Variants in TES observed in about 807,000 individuals in gnomAD.
TES encodes testin LIM domain protein, also known as testin.
In TES, 41 loss-of-function variants were observed where a neutral mutation model predicts 48.2. The ratio of observed to expected loss-of-function variants is 0.85; its 90% CI spans 0.66 to 1.10. The LOEUF (loss-of-function observed/expected upper bound fraction) is 1.10. Among genes scored for constraint, TES ranks in the 50% least tolerant of loss-of-function variants. TES has a pLI of 0.00. For missense variants in TES, 463 were observed against 515.1 expected (o/e 0.90, Z 0.98); for synonymous variants, 162 against 174.9 (o/e 0.93, Z 0.58).
chr7:116,221,701 T>A (rs879826938), intron 1 of TES, among the ~76,000 whole-genome samples: 8 of 152,188 alleles, frequency 5.3e-5, no homozygotes, highest in African/African-American at 1.9e-4. Context: ...GAATCAAGAA[T>A]CAATGTACTG....
chr7:116,256,073 T>TTAAA (rs1800094615), intron 6 of TES, among the ~76,000 whole-genome samples: 3 of 128,938 alleles, frequency 2.3e-5, no homozygotes, highest in Non-Finnish European at 3.2e-5. Flanking sequence ...AGTGTGTTGA[T>TTAAA]CAAAGAATTT....
At chr7:116,236,435 G>A (rs1169948728) in intron 2 of TES, among the ~76,000 whole-genome samples, 1 of 152,036 alleles carries the variant, frequency 6.6e-6, no homozygotes, top group East Asian at 1.9e-4. Flanking sequence ...ATCAGCTTAT[G>A]TACATAAGCT....
chr7:116,212,477 G>T (rs373155277), intron 1 of TES, among the ~76,000 whole-genome samples: 4 of 152,134 alleles, frequency 2.6e-5, no homozygotes, highest in Non-Finnish European at 5.9e-5. Flanking sequence ...TTGGTAGTCC[G>T]GGAGGCTGCT....
Position 116,255,841 on chromosome 7 carries a change from C to T in TES, c.1078-1453C>T, listed in dbSNP as rs188786439. Among the ~76,000 whole-genome samples, 8 of 152,228 alleles carry T rather than the reference C, an allele frequency of 5.3e-5. No homozygotes were observed. The East Asian group carries it at 1.4e-3, about 26-fold the overall frequency. On this transcript the variant is annotated intron_variant, in intron 6 of 6. Transcript: ENST00000358204. ...TGATTTGATCACTACACTATGTATA[C>T]ATGTATTGAAACATCACATAGTACA...
In TES at chr7:116,219,599, C is replaced by G. The variant is rs3807963; in HGVS notation, c.27+8865C>G. ...TGCAGGAGCACCTTTTAAGCCTCTT[C>G]TTATGCCAAAGCAGTCACATGTCCA... is the stretch of plus-strand genomic sequence containing the variant. On this transcript the variant is annotated intron_variant, in intron 1 of 6. Coordinates refer to ENST00000358204, the MANE Select transcript of TES (RefSeq NM_015641.4). Among the ~76,000 whole-genome samples the G allele has an allele frequency of 2.7e-4, 41 of 151,878 alleles. No homozygotes were observed. In the East Asian group the frequency reaches 7.5e-3, roughly 28 times the overall value.
Position 116,251,817 on chromosome 7 carries a change from A to G in TES, c.760A>G (p.Arg254Gly). The change falls in exon 5 of 7, where the codon AGG (arginine) becomes GGG (glycine). Residue 254 changes from arginine to glycine, a missense_variant. Arg to Gly is a moderately radical substitution (Grantham distance 125). Coordinates refer to ENST00000358204, the MANE Select transcript of TES (RefSeq NM_015641.4). ...KEGDPAIYAE[R>G]AGYDKLWHPA... ...AGGTGACCCAGCCATCTATGCCGAAAGGGCTGGCTATGATAAACTGTGGCA... is the reference window on the plus strand; with the variant it reads ...AGGTGACCCAGCCATCTATGCCGAAGGGGCTGGCTATGATAAACTGTGGCA... The G allele has an allele frequency of 1.2e-6, 2 of 1,614,226 alleles. No individual in the cohort carries two copies. The highest frequency in any genetic ancestry group is 1.7e-6 in the Non-Finnish European group (2 of 1,180,038).
intron 6 of TES, among the ~76,000 whole-genome samples, chr7:116,253,720 CTG>C (rs1454085254): frequency 6.6e-6 from 1 of 152,106 alleles, no homozygotes; most frequent in African/African-American, 2.4e-5. Flanking sequence ...TTTTACCTGA[CTG>C]TACCTACACA....
Position 116,210,781 on chromosome 7 carries a change from TCGCGCGG to T in TES, c.27+57_27+63del, listed in dbSNP as rs755878264. 1.3e-4 allele frequency: 156 copies of T among 1,227,294 alleles called. No individual in the cohort carries two copies. The African/African-American group carries it at 2.1e-3, about 17-fold the overall frequency. 76.0% of individuals were successfully genotyped at this position (1,227,294 alleles called of 1,614,324 possible). On this transcript the variant is annotated intron_variant, in intron 1 of 6. Transcript: ENST00000358204. ...GCGGCGGCTGCTTCACCTGCGCGGG[TCGCGCGG>T]CGCGCGGCGGCCGGAGGTGCCGAGG...
chr7:116,244,601 G>T (rs1237993191), intron 2 of TES, among the ~76,000 whole-genome samples: 4 of 152,136 alleles, frequency 2.6e-5, no homozygotes, highest in Non-Finnish European at 5.9e-5. Context: ...TTGAGTGCCT[G>T]CAGCTGTCCT....
intron 2 of TES, among the ~76,000 whole-genome samples, chr7:116,238,585 C>T (rs376115553): frequency 1.5e-4 from 19 of 129,330 alleles, no homozygotes; most frequent in African/African-American, 5.0e-4. Flanking sequence ...CAACATCCAT[C>T]ATTATTATTA....
Position 116,210,754 on chromosome 7 carries a change from G to T in TES, c.27+20G>T. ...AAGAAGGTAGGGGGGCGCTCGTGGC[G>T]GGCGGCGGCTGCTTCACCTGCGCGG... On this transcript the variant is annotated intron_variant, in intron 1 of 6. Transcript: ENST00000358204. 8.1e-7 allele frequency: 1 copy of T among 1,239,816 alleles called. No individual in the cohort carries two copies. Among genetic ancestry groups the T allele is most frequent in the Non-Finnish European group, 1.0e-6 (1 of 981,926 alleles). The allele number at this position is 1,239,816 out of a possible 1,614,324, so 76.8% of individuals were successfully genotyped here. A position where few individuals can be genotyped will look rare whatever the true frequency, so the allele number is the denominator to read the frequency against.
chr7:116,241,577 G>A (rs1202571901), intron 2 of TES, among the ~76,000 whole-genome samples: 1 of 152,186 alleles, frequency 6.6e-6, no homozygotes, highest in Non-Finnish European at 1.5e-5. Flanking sequence ...CCACATTGGA[G>A]GATGCAGATG....
chr7:116,213,637 A>G (rs998010787), intron 1 of TES, among the ~76,000 whole-genome samples: 13 of 152,246 alleles, frequency 8.5e-5, no homozygotes, highest in Non-Finnish European at 1.3e-4. Context: ...AGGGGTTTTT[A>G]TAATTAGATT....
In TES at chr7:116,258,467, C is replaced by G. The variant is rs893211323; in HGVS notation, c.*985C>G. On this transcript the variant is annotated 3_prime_UTR_variant, in exon 7 of 7. Coordinates refer to ENST00000358204, the MANE Select transcript of TES (RefSeq NM_015641.4). The stretch of plus-strand genomic sequence containing the variant: ...TGGCTTGGACATAAAAGCCAAGCCA[C>G]CCATTTGCTTTTAATCCAAAGAACA... The G allele has an allele frequency of 2.0e-5, 3 of 152,614 alleles. No homozygotes were observed. The highest frequency in any genetic ancestry group is 7.2e-5 in the African/African-American group (3 of 41,448). 9.5% of individuals were successfully genotyped at this position (152,614 alleles called of 1,614,324 possible).
chr7:116,219,832 G>A (rs1469651124), intron 1 of TES, among the ~76,000 whole-genome samples: 1 of 152,186 alleles, frequency 6.6e-6, no homozygotes, highest in African/African-American at 2.4e-5. Context: ...ATGATATTCT[G>A]TATGGTATCA....
chr7:116,231,466 TACA>T (rs1263592651), intron 1 of TES, among the ~76,000 whole-genome samples: 1 of 149,468 alleles, frequency 6.7e-6, no homozygotes, highest in Non-Finnish European at 1.5e-5. Flanking sequence ...GTGGTCAGGC[TACA>T]ACTTGGTTTT....
chr7:116,227,081 CTTTT>C (rs1223116131), intron 1 of TES, among the ~76,000 whole-genome samples: 6 of 149,046 alleles, frequency 4.0e-5, no homozygotes, highest in African/African-American at 1.5e-4. Flanking sequence ...GTAACCTACA[CTTTT>C]TATTTTATTT....
intron 1 of TES, among the ~76,000 whole-genome samples, chr7:116,225,366 T>G (rs765198872): frequency 1.3e-5 from 2 of 152,094 alleles, no homozygotes; most frequent in Non-Finnish European, 2.9e-5. Flanking sequence ...ACCTTTGTCA[T>G]TAACTTAATA....
chr7:116,210,927 CCA>C (rs1428509088), intron 1 of TES, 193 bp downstream of exon 1: 2 of 392,952 alleles, frequency 5.1e-6, no homozygotes, highest in African/African-American at 4.2e-5. Context: ...CGCCAGCTCC[CCA>C]CACTCGGGAG....
Sources: gnomAD v4.1 joint callset for allele counts (sites outside exome capture counted in the v4.1 genomes callset) on GRCh38, gnomAD v4.1.1 for gene constraint, MANE v1.5 for transcripts, NCBI Gene and HGNC (gene_info 2026-07-23, HGNC 2026-07-21) for gene names.